Variants in ITPR1 observed in about 807,000 individuals in gnomAD.
ITPR1 encodes the protein inositol 1,4,5-trisphosphate receptor type 1.
ITPR1 carries 96 observed loss-of-function variants against 318.4 expected under a neutral mutation model. The ratio of observed to expected loss-of-function variants is 0.30; its 90% CI spans 0.26 to 0.36. ITPR1 has a LOEUF of 0.36. ITPR1 is among the 10% of genes least tolerant of loss of function. The pLI, the probability that ITPR1 is intolerant of heterozygous loss-of-function variation, is 1.00. For missense variants in ITPR1, 2,440 were observed against 3,460.2 expected (o/e 0.71, Z 7.40); for synonymous variants, 1,312 against 1,289.9 (o/e 1.02, Z -0.37).
chr3:4,640,163 C>A (rs1341811911), intron 6 of ITPR1, among the ~76,000 whole-genome samples: 1 of 152,168 alleles, frequency 6.6e-6, no homozygotes, highest in East Asian at 1.9e-4. Context: ...AGCACCTAGA[C>A]CCATTTGGTG....
intron 55 of ITPR1, 102 bp downstream of exon 55, chr3:4,806,369 T>G: frequency 3.5e-6 from 4 of 1,142,070 alleles, no homozygotes; most frequent in Non-Finnish European, 5.2e-6. Context: ...GTGATTGGTG[T>G]GCCTGGTCCA....
chr3:4,843,074 GTTTTTTTT>G (rs11404208), intron 61 of ITPR1, among the ~76,000 whole-genome samples: 2 of 105,450 alleles, frequency 1.9e-5, no homozygotes, highest in East Asian at 6.4e-4. Flanking sequence ...GTTTTGAGGG[GTTTTTTTT>G]TTTTTTTTTT....
chr3:4,647,883 G>C (rs970188528), intron 10 of ITPR1, among the ~76,000 whole-genome samples: 5 of 152,252 alleles, frequency 3.3e-5, no homozygotes, highest in African/African-American at 1.2e-4. Context: ...CGGACATGGT[G>C]GCTCATGCCT....
intron 10 of ITPR1, among the ~76,000 whole-genome samples, chr3:4,650,982 C>T (rs1050037022): frequency 6.6e-6 from 1 of 151,990 alleles, no homozygotes; most frequent in Non-Finnish European, 1.5e-5. Flanking sequence ...CCCTTTGCTC[C>T]TTTGAAGGCT....
Position 4,779,568 on chromosome 3 carries a change from C to T in ITPR1, c.6310C>T (p.Leu2104Phe). 1 of 1,612,282 alleles carries T rather than the reference C, an allele frequency of 6.2e-7. No individual in the cohort carries two copies. Among genetic ancestry groups the T allele is most frequent in the Non-Finnish European group, 8.5e-7 (1 of 1,178,698 alleles). Reference protein sequence around the residue: ...LELKNNASKLLLAIMESRHDS... With the variant: ...LELKNNASKLFLAIMESRHDS... ...CAACTAGAACAATGCCTCGAAGTTG[C>T]TCCTGGCCATCATGGAAAGCAGGCA... The change falls in exon 49 of 62, where the codon CTC (leucine) becomes TTC (phenylalanine). Residue 2104 changes from leucine to phenylalanine, a missense_variant. Leu to Phe is a conservative substitution (Grantham distance 22). Transcript: ENST00000649015. This position sits in a 1 kb window ranked among gnomAD's most constrained non-coding sequence, Gnocchi z 4.0.
At chr3:4,707,772 T>C (rs2094790722) in intron 37 of ITPR1, among the ~76,000 whole-genome samples, 1 of 152,166 alleles carries the variant, frequency 6.6e-6, no homozygotes, top group South Asian at 2.1e-4. Flanking sequence ...ATTATTATTA[T>C]TACTATTATT....
chr3:4,802,101 G>A (rs1054545822), intron 54 of ITPR1, among the ~76,000 whole-genome samples: 1 of 152,176 alleles, frequency 6.6e-6, no homozygotes, highest in Non-Finnish European at 1.5e-5. Context: ...TTCCGTGATT[G>A]AATCCGCATG....
At chr3:4,753,296 G>A (rs17041369) in intron 44 of ITPR1, among the ~76,000 whole-genome samples, 25,468 of 151,962 alleles carry the variant, frequency 0.17, 3,806 homozygotes, top group African/African-American at 0.4. Flanking sequence ...ATCCCTAGTC[G>A]GTGCTTCTAA....
At chr3:4,748,990 G>A (rs538787438) in intron 44 of ITPR1, among the ~76,000 whole-genome samples, 1 of 152,170 alleles carries the variant, frequency 6.6e-6, no homozygotes, top group South Asian at 2.1e-4. Context: ...AGGCTAGTGG[G>A]GTTTGGCTGA....
chr3:4,552,218 C>T (rs1248791064), intron 4 of ITPR1, among the ~76,000 whole-genome samples: 3 of 152,196 alleles, frequency 2.0e-5, no homozygotes, highest in East Asian at 1.9e-4. Context: ...AATTCTGCAG[C>T]AGACAACAGC....
At chr3:4,610,504 G>A (rs533836236) in intron 4 of ITPR1, among the ~76,000 whole-genome samples, 3 of 152,286 alleles carry the variant, frequency 2.0e-5, no homozygotes, top group African/African-American at 4.8e-5. Context: ...CATGCCAGCT[G>A]CTCCAGGCTT....
intron 20 of ITPR1, 116 bp downstream of exon 20, chr3:4,671,042 T>A: frequency 1.3e-6 from 1 of 761,100 alleles, no homozygotes; most frequent in Non-Finnish European, 2.0e-6. Context: ...CTTGTAAGAT[T>A]GTCTAGAAAA....
intron 35 of ITPR1, 35 bp downstream of exon 35, chr3:4,699,976 G>A (rs773203110): frequency 6.3e-6 from 10 of 1,596,502 alleles, no homozygotes; most frequent in African/African-American, 1.3e-5. Flanking sequence ...GAATGTTCAC[G>A]ATACACCTTC....
At chr3:4,773,706 A>T (rs773554172) in intron 46 of ITPR1, among the ~76,000 whole-genome samples, 1 of 152,190 alleles carries the variant, frequency 6.6e-6, no homozygotes, top group Admixed American at 6.5e-5. Context: ...CCAACCCCTC[A>T]AACAGGTAGT....
intron 4 of ITPR1, among the ~76,000 whole-genome samples, chr3:4,587,734 G>T (rs1297031684): frequency 6.6e-6 from 1 of 152,172 alleles, no homozygotes; most frequent in Non-Finnish European, 1.5e-5. Context: ...AGAAAAAGGA[G>T]CAAAATGGGA....
intron 33 of ITPR1, among the ~76,000 whole-genome samples, chr3:4,694,494 G>C (rs2094527507): frequency 6.6e-6 from 1 of 152,016 alleles, no homozygotes; most frequent in Non-Finnish European, 1.5e-5. Context: ...GCTTAGTGGT[G>C]GGGATATCTT....
chr3:4,684,627 G>A (rs2094358620), intron 29 of ITPR1, among the ~76,000 whole-genome samples: 1 of 152,184 alleles, frequency 6.6e-6, no homozygotes, highest in Non-Finnish European at 1.5e-5. Context: ...ACAATTGAAG[G>A]AAGGACTAAT....
At chr3:4,567,313 G>T (rs771404795) in intron 4 of ITPR1, among the ~76,000 whole-genome samples, 1 of 152,158 alleles carries the variant, frequency 6.6e-6, no homozygotes, top group African/African-American at 2.4e-5. Context: ...CAGGATAAAA[G>T]ACGTGATTGC....
At chr3:4,607,067 A>G (rs1179220206) in intron 4 of ITPR1, among the ~76,000 whole-genome samples, 2 of 152,146 alleles carry the variant, frequency 1.3e-5, no homozygotes. Context: ...ATAATATCGA[A>G]GGCCTCTGGA....
Sources: gnomAD v4.1 joint callset for allele counts (sites outside exome capture counted in the v4.1 genomes callset) on GRCh38, gnomAD v4.1.1 for gene constraint, Gnocchi (gnomAD v3.1) non-coding constraint, MANE v1.5 for transcripts, NCBI Gene and HGNC (gene_info 2026-07-23, HGNC 2026-07-21) for gene names.